RALYL: variants seen among roughly 807,000 people sequenced by gnomAD.
RALYL encodes the protein RNA-binding Raly-like protein.
A neutral mutation model predicts 35.1 loss-of-function variants in RALYL; 29 were observed. The ratio of observed to expected loss-of-function variants is 0.83; its 90% CI spans 0.61 to 1.13. RALYL has a LOEUF of 1.13. Ranked by LOEUF, RALYL falls within the 50% of genes most tolerant of loss-of-function variation. The pLI, the probability that RALYL is intolerant of heterozygous loss-of-function variation, is 0.00. For synonymous variants in RALYL, 120 were observed against 127.6 expected (o/e 0.94, Z 0.40); for missense variants, 359 against 360.4 (o/e 1.00, Z 0.03).
At chr8:84,263,819 G>T (rs1386423531) in intron 1 of RALYL, among the ~76,000 whole-genome samples, 5 of 152,094 alleles carry the variant, frequency 3.3e-5, no homozygotes, top group Admixed American at 1.3e-4. Context: ...CTGTGTCCAT[G>T]TGATCTCATT....
At chr8:84,875,179 G>A (rs770093908) in intron 7 of RALYL, among the ~76,000 whole-genome samples, 15 of 152,000 alleles carry the variant, frequency 9.9e-5, no homozygotes, top group Non-Finnish European at 1.9e-4. Context: ...CTGTCATGTT[G>A]CCTAAATCAA....
intron 3 of RALYL, among the ~76,000 whole-genome samples, chr8:84,790,235 G>A (rs1292055161): frequency 1.3e-5 from 2 of 152,220 alleles, no homozygotes; most frequent in Non-Finnish European, 2.9e-5. Flanking sequence ...TGGGGTGGCA[G>A]CCATTAGAAC....
chr8:84,641,115 AATT>A (rs1264254166), intron 2 of RALYL, among the ~76,000 whole-genome samples: 4 of 151,370 alleles, frequency 2.6e-5, no homozygotes, highest in Non-Finnish European at 5.9e-5. Flanking sequence ...TTTCATATAA[AATT>A]ATTATCTTTT....
chr8:84,434,975 G>C (rs1346337571), intron 1 of RALYL, among the ~76,000 whole-genome samples: 1 of 152,090 alleles, frequency 6.6e-6, no homozygotes, highest in African/African-American at 2.4e-5. Flanking sequence ...GAGATAAACT[G>C]ATATTTGAAC....
At chr8:84,813,693 T>G (rs1826437362) in intron 4 of RALYL, among the ~76,000 whole-genome samples, 1 of 152,236 alleles carries the variant, frequency 6.6e-6, no homozygotes, top group South Asian at 2.1e-4. Context: ...TAATATGCAC[T>G]GGTGAAAGTT....
intron 1 of RALYL, among the ~76,000 whole-genome samples, chr8:84,353,195 C>T (rs572353192): frequency 4.7e-5 from 7 of 150,134 alleles, no homozygotes; most frequent in Middle Eastern, 6.8e-3. Context: ...CTCTATGTCC[C>T]GGACTGTTTC....
rs138006950 is a variant in RALYL at position 84,789,539 on chromosome 8, C to T, written c.332+14885C>T. Among the ~76,000 whole-genome samples the T allele has an allele frequency of 1.2e-4, 18 of 151,022 alleles. No homozygotes were observed. In the East Asian group the frequency reaches 2.9e-3, roughly 24 times the overall value. On this transcript the variant is annotated intron_variant, in intron 3 of 8. Transcript: ENST00000521268. ...ATAGCAAATCTCATGTTTAGAGGAT[C>T]GAAAAAAAAACATTATATGATCTCA...
chr8:84,383,305 G>C (rs1014490999), intron 1 of RALYL, among the ~76,000 whole-genome samples: 3 of 151,708 alleles, frequency 2.0e-5, no homozygotes, highest in Non-Finnish European at 3.0e-5. Flanking sequence ...CAGAAAAGAG[G>C]GTCTTTTATG....
intron 1 of RALYL, among the ~76,000 whole-genome samples, chr8:84,456,325 C>T (rs1389307497): frequency 6.6e-6 from 1 of 151,938 alleles, no homozygotes; most frequent in East Asian, 1.9e-4. Flanking sequence ...AACACTCATC[C>T]GAATTTGGTA....
intron 1 of RALYL, among the ~76,000 whole-genome samples, chr8:84,386,023 G>A (rs144185789): frequency 3.0e-4 from 46 of 151,962 alleles, no homozygotes; most frequent in African/African-American, 9.4e-4. Context: ...TGGCATTTAT[G>A]CAAAGCAGTG....
rs552434356 is a variant in RALYL, at chr8:84,901,952, G to T, written c.858+14176G>T. 2.6e-5 allele frequency among the ~76,000 whole-genome samples: 4 copies of T among 152,164 alleles called. No individual in the cohort carries two copies. The East Asian group carries it at 7.7e-4, about 29-fold the overall frequency. The stretch of plus-strand genomic sequence containing the variant: ...TCTTATCTAAATCAACTGGAGAAGG[G>T]TGGTTCTTTGCAATAAGCCATTTCC... On this transcript the variant is annotated intron_variant, in intron 8 of 8. Transcript: ENST00000521268.
chr8:84,537,865 A>G (rs1008110820), intron 2 of RALYL, among the ~76,000 whole-genome samples: 1 of 152,190 alleles, frequency 6.6e-6, no homozygotes, highest in African/African-American at 2.4e-5. Context: ...ATTTCTTCCA[A>G]TATTGTGCAT....
At chr8:84,236,584 A>G (rs991600717) in intron 1 of RALYL, among the ~76,000 whole-genome samples, 1 of 152,192 alleles carries the variant, frequency 6.6e-6, no homozygotes, top group Non-Finnish European at 1.5e-5. Context: ...GCAAGACACT[A>G]GGATTTGTGC....
intron 2 of RALYL, among the ~76,000 whole-genome samples, chr8:84,732,957 A>T (rs145018558): frequency 0.032 from 4,883 of 151,900 alleles, 139 homozygotes; most frequent in African/African-American, 0.07. Context: ...CAGCCTCCCA[A>T]AGTGCTGGGA....
At chr8:84,238,714 T>C (rs1827170752) in intron 1 of RALYL, among the ~76,000 whole-genome samples, 1 of 152,020 alleles carries the variant, frequency 6.6e-6, no homozygotes, top group South Asian at 2.1e-4. Context: ...TGGTAGGGTA[T>C]GAGAGAGGAG....
intron 1 of RALYL, among the ~76,000 whole-genome samples, chr8:84,319,995 G>A (rs1302640591): frequency 1.3e-5 from 2 of 151,980 alleles, no homozygotes; most frequent in African/African-American, 4.8e-5. Flanking sequence ...AATGGTGTCA[G>A]TGTGTATAAA....
intron 2 of RALYL, among the ~76,000 whole-genome samples, chr8:84,774,149 T>C (rs1586147413): frequency 6.6e-6 from 1 of 151,864 alleles, no homozygotes; most frequent in Non-Finnish European, 1.5e-5. Flanking sequence ...AGACCAGGAG[T>C]TCAAGGTTAC....
At chr8:84,801,461 GTTTT>G (rs992020625) in intron 3 of RALYL, among the ~76,000 whole-genome samples, 3 of 151,946 alleles carry the variant, frequency 2.0e-5, no homozygotes, top group Admixed American at 6.6e-5. Context: ...TCTAAGTTCA[GTTTT>G]TTTTAATTGA....
intron 2 of RALYL, chr8:84,705,926 C>A: frequency 6.7e-7 from 1 of 1,501,484 alleles, no homozygotes; most frequent in South Asian, 1.3e-5. Flanking sequence ...TACCTTCTGT[C>A]AGTGAGCAAC....
Sources: allele counts gnomAD v4.1 joint callset (sites outside exome capture counted in the v4.1 genomes callset), GRCh38; gene constraint gnomAD v4.1.1; transcripts MANE v1.5; gene names NCBI Gene and HGNC (gene_info 2026-07-23, HGNC 2026-07-21).